MUC22: variants seen among roughly 807,000 people sequenced by gnomAD.
MUC22 encodes the protein mucin-22.
In MUC22, 24 loss-of-function variants were observed where a neutral mutation model predicts 40.3. The ratio of observed to expected loss-of-function variants is 0.60; its 90% CI spans 0.43 to 0.84. The LOEUF (loss-of-function observed/expected upper bound fraction) is 0.84, where lower values mean the gene tolerates loss of function less well. Among genes scored for constraint, MUC22 ranks in the 40% least tolerant of loss-of-function variants. The pLI is 0.00. For synonymous variants in MUC22, 765 were observed against 844.5 expected, an observed-to-expected ratio of 0.91 and a Z score of 1.63; for missense variants, 1,926 against 2,130.7, an observed-to-expected ratio of 0.90 and a Z score of 1.89.
At chr6:31,008,923 A>G (rs561038998), upstream of MUC22, among the ~76,000 whole-genome samples, 1 of 152,330 alleles carries the variant, frequency 6.6e-6, no homozygotes, top group African/African-American at 2.4e-5. Flanking sequence ...TTCAGCGTGT[A>G]CAATGTGTTG....
chr6:31,015,396 T>C (rs1764123891), intron 1 of MUC22, among the ~76,000 whole-genome samples: 1 of 152,136 alleles, frequency 6.6e-6, no homozygotes, highest in Non-Finnish European at 1.5e-5. Flanking sequence ...AGAAATGAAG[T>C]GGAAATTAAT....
At chr6:31,010,303 G>C (rs1763776685), upstream of MUC22, among the ~76,000 whole-genome samples, 1 of 151,960 alleles carries the variant, frequency 6.6e-6, no homozygotes, top group African/African-American at 2.4e-5. Flanking sequence ...GCGCCCTCTG[G>C]TCTTGCCGAC....
In MUC22 at chr6:31,021,906, C is replaced by G. The variant is rs115209056; in HGVS notation, c.71-3596C>G. On this transcript the variant is annotated intron_variant, in intron 1 of 3. Transcript: ENST00000561890. Reference sequence around the variant, plus strand: ...CTCTTTGCAATAGATTTTGCTACTGCTCACTTTTTGGGTCTACACTGTTTT... The same window carrying G: ...CTCTTTGCAATAGATTTTGCTACTGGTCACTTTTTGGGTCTACACTGTTTT... Among the ~76,000 whole-genome samples the G allele has an allele frequency of 2.0e-5, 3 of 152,186 alleles. 1 individual carries two copies. The South Asian group carries it at 6.2e-4, about 32-fold the overall frequency.
intron 3 of MUC22, among the ~76,000 whole-genome samples, chr6:31,033,766 C>T (rs1237209801): frequency 2.0e-5 from 3 of 152,352 alleles, no homozygotes; most frequent in East Asian, 3.9e-4. Context: ...TACAAATCAG[C>T]ACTTTTCCCT....
chr6:31,034,539 A>T, intron 3 of MUC22, 133 bp from the exon 4 acceptor site: 1 of 687,052 alleles, frequency 1.5e-6, no homozygotes, highest in East Asian at 2.7e-5. Flanking sequence ...CATAGTAAGG[A>T]TGGTGGTAAA....
chr6:31,032,905 C>T lies in MUC22; in HGVS notation c.5055+324C>T, dbSNP rs1266854511. Among the ~76,000 whole-genome samples, 7 of 152,172 alleles carry T rather than the reference C, an allele frequency of 4.6e-5. No individual in the cohort carries two copies. The East Asian group carries it at 1.2e-3, about 25-fold the overall frequency. Reference sequence around the variant, plus strand: ...AAGCAGCTGGGCGCAGTGGCTCACCCCTGTAATTCCAGCACTTTGGAAGGC... The same window carrying T: ...AAGCAGCTGGGCGCAGTGGCTCACCTCTGTAATTCCAGCACTTTGGAAGGC... On this transcript the variant is annotated intron_variant, in intron 3 of 3. Transcript: ENST00000561890. This position sits in a 1 kb window ranked among gnomAD's most constrained non-coding sequence, Gnocchi z 4.1.
chr6:31,022,031 G>T (rs1632868), intron 1 of MUC22, among the ~76,000 whole-genome samples: 18,115 of 151,586 alleles, frequency 0.12, 1,263 homozygotes, highest in African/African-American at 0.17. Flanking sequence ...ACACGCATGG[G>T]CTTAAGAGTT....
At chr6:31,029,033 C>T (rs773044744) in exon 2 of MUC22, 2 of 1,496,148 alleles carry the variant, frequency 1.3e-6, no homozygotes, top group Non-Finnish European at 8.9e-7. Flanking sequence ...GTTTCTACCA[C>T]AGGCTCTGAG....
chr6:31,029,697 C>T (rs1275522720), exon 2 of MUC22: 2 of 1,534,706 alleles, frequency 1.3e-6, no homozygotes, highest in African/African-American at 1.4e-5. Flanking sequence ...CTGCTGCAGG[C>T]TCTGAGGCCA....
In MUC22 at chr6:31,027,789, TAC is replaced by T. The variant is rs2150793105; in HGVS notation, c.2360_2361del (p.Thr787SerfsTer7). The T allele has an allele frequency of 1.3e-6, 2 of 1,527,472 alleles. No individual in the cohort carries two copies. The highest frequency in any genetic ancestry group is 2.8e-5 in the African/African-American group (2 of 70,784). 94.6% of individuals were successfully genotyped at this position (1,527,472 alleles called of 1,614,324 possible). ...TCTCTACTGAAGGCTCTGAGAACAC[TAC>T]AGTCTCCACCACAGGCTCTGAGACC... On this transcript the variant is annotated frameshift_variant, in exon 2 of 4. Transcript: ENST00000561890. LOFTEE classifies it high-confidence loss of function.
intron 2 of MUC22, among the ~76,000 whole-genome samples, chr6:31,031,355 T>C (rs903226585): frequency 3.3e-5 from 5 of 152,174 alleles, no homozygotes; most frequent in African/African-American, 1.2e-4. Context: ...ATGTCACCTC[T>C]GTCCCAGCCA....
At chr6:31,027,452 A>C in exon 2 of MUC22, 1 of 1,530,944 alleles carries the variant, frequency 6.5e-7, no homozygotes, top group Non-Finnish European at 8.7e-7. Context: ...GAAGGCTCTG[A>C]GATGACTGCA....
intron 1 of MUC22, among the ~76,000 whole-genome samples, chr6:31,014,305 TC>T (rs1477323349): frequency 1.3e-5 from 2 of 150,736 alleles, no homozygotes; most frequent in Non-Finnish European, 3.0e-5. Flanking sequence ...CCCTGTCTTT[TC>T]CAAACACATG....
chr6:31,007,043 T>G (rs921951077), upstream of MUC22, among the ~76,000 whole-genome samples: 2 of 149,278 alleles, frequency 1.3e-5, no homozygotes, highest in African/African-American at 2.5e-5. This position sits in a 1 kb window ranked among gnomAD's most constrained non-coding sequence, Gnocchi z 4.0. Context: ...ATGCTGCTAG[T>G]GTTTAGAGTC....
rs187745372 is a variant in MUC22 at position 31,029,555 on chromosome 6, C to G, written c.4124C>G (p.Ala1375Gly). Reference sequence around the variant, plus strand: ...ACCGCCTCTACTGAAGGCTCTGAGGCCACTACAGTTTCTACCACTAGCTCT... The same window carrying G: ...ACCGCCTCTACTGAAGGCTCTGAGGGCACTACAGTTTCTACCACTAGCTCT... The change falls in exon 2 of 4, where the codon GCC (alanine) becomes GGC (glycine). Residue 1375 changes from alanine to glycine, a missense_variant. Around this residue, in one of 3 missense-constraint regions of MUC22, gnomAD observed 610 missense variants for 714.6 expected, o/e 0.85. Coordinates refer to ENST00000561890, the Ensembl canonical transcript of MUC22. The G allele has an allele frequency of 5.6e-5, 86 of 1,529,172 alleles. 1 individual carries two copies. The East Asian group carries it at 1.5e-3, about 27-fold the overall frequency. The allele number at this position is 1,529,172 out of a possible 1,614,324, so 94.7% of individuals were successfully genotyped here.
chr6:31,026,355 C>A, exon 2 of MUC22: 1 of 1,507,468 alleles, frequency 6.6e-7, no homozygotes, highest in South Asian at 1.2e-5. Context: ...CTCAGACCAC[C>A]ATAGTCTCTA....
chr6:31,021,848 C>T (rs932413073), intron 1 of MUC22, among the ~76,000 whole-genome samples: 15 of 152,092 alleles, frequency 9.9e-5, no homozygotes, highest in African/African-American at 2.4e-4. Context: ...CTGCTTGGGT[C>T]GTTTTCCACA....
rs796553614 is a variant in MUC22 at position 31,027,021 on chromosome 6, T to C, written c.1590T>C (p.Thr530=). The change falls in exon 2 of 4, where the codon ACT becomes ACC. Residue 530 remains threonine (T), a synonymous_variant. Transcript: ENST00000561890. ...ATTCTAAGACTACCACAGCCTCTACTACAGGGTTTGAGACAACCGCAGCCT... is the reference window on the plus strand; with the variant it reads ...ATTCTAAGACTACCACAGCCTCTACCACAGGGTTTGAGACAACCGCAGCCT... The C allele has an allele frequency of 6.0e-6, 9 of 1,504,978 alleles. No individual in the cohort carries two copies. In the African/African-American group the frequency reaches 1.2e-4, roughly 21 times the overall value. 93.2% of individuals were successfully genotyped at this position (1,504,978 alleles called of 1,614,324 possible).
intron 1 of MUC22, among the ~76,000 whole-genome samples, chr6:31,021,739 A>G (rs1196631012): frequency 1.3e-5 from 2 of 152,078 alleles, no homozygotes; most frequent in African/African-American, 2.4e-5. Context: ...ACCAATCAGC[A>G]CCCTGTCAAA....
Sources: allele counts gnomAD v4.1 joint callset (sites outside exome capture counted in the v4.1 genomes callset), GRCh38; gene constraint gnomAD v4.1.1; regional missense constraint gnomAD v4.1.1; non-coding constraint Gnocchi (gnomAD v3.1); transcripts MANE v1.5; gene names NCBI Gene and HGNC (gene_info 2026-07-23, HGNC 2026-07-21).